Variants in NMT1 observed in about 807,000 individuals in gnomAD.
NMT1 encodes the protein glycylpeptide N-tetradecanoyltransferase 1.
Under a neutral mutation model 63.4 loss-of-function variants are expected in NMT1, and 12 were observed. The ratio of observed to expected loss-of-function variants is 0.19; its 90% confidence interval spans 0.12 to 0.31. NMT1 has a LOEUF of 0.31. NMT1 is among the 10% of genes least tolerant of loss of function. The pLI is 1.00. For missense variants in NMT1, 432 were observed against 634.6 expected (o/e 0.68, Z 3.43); for synonymous variants, 228 against 234.3 (o/e 0.97, Z 0.25).
chr17:45,069,082 T>C (rs1480988881), intron 1 of NMT1, among the ~76,000 whole-genome samples: 1 of 151,744 alleles, frequency 6.6e-6, no homozygotes, highest in Non-Finnish European at 1.5e-5. Context: ...TGCGTCAGCC[T>C]CCTAAGTAGC....
At chr17:45,099,334 G>A (rs2054146443) in intron 7 of NMT1, 71 bp from the exon 8 acceptor site, 1 of 1,059,398 alleles carries the variant, frequency 9.4e-7, no homozygotes, top group Admixed American at 1.7e-5. Flanking sequence ...GCCAGCTGGG[G>A]TCTCCCTGCC....
chr17:45,103,635 G>C lies in NMT1; in HGVS notation c.1165-74G>C. ...GCAGAGCTGCCTGAAGGTGGAGTGA[G>C]AGAAACATTTTGTTCCCGGGCCGCA... On this transcript the variant is annotated intron_variant, in intron 9 of 11. Transcript: ENST00000258960. The surrounding 1 kb of genome is among the most constrained non-coding windows in gnomAD (Gnocchi z 4.8). 6.9e-7 allele frequency: 1 copy of C among 1,457,198 alleles called. No homozygotes were observed. The highest frequency in any genetic ancestry group is 9.4e-7 in the Non-Finnish European group (1 of 1,067,844). 90.3% of individuals were successfully genotyped at this position (1,457,198 alleles called of 1,614,324 possible).
At chr17:45,085,909 C>A (rs554799511) in intron 2 of NMT1, among the ~76,000 whole-genome samples, 1 of 151,846 alleles carries the variant, frequency 6.6e-6, no homozygotes, top group South Asian at 2.1e-4. Context: ...GCAACATCTG[C>A]CTCCCAGGTT....
At chr17:45,077,723 C>G (rs887422630) in intron 1 of NMT1, among the ~76,000 whole-genome samples, 2 of 152,122 alleles carry the variant, frequency 1.3e-5, no homozygotes, top group Non-Finnish European at 2.9e-5. Context: ...TAATGCTTCA[C>G]GTAATCCTGA....
Position 45,104,053 on chromosome 17 carries a change from A to G in NMT1, c.1332+177A>G. The G allele has an allele frequency of 6.5e-7, 1 of 1,546,094 alleles. No individual in the cohort carries two copies. Among genetic ancestry groups the G allele is most frequent in the Non-Finnish European group, 8.7e-7 (1 of 1,152,822 alleles). On this transcript the variant is annotated intron_variant, in intron 10 of 11. Coordinates refer to ENST00000258960, the MANE Select transcript of NMT1 (RefSeq NM_021079.5). This position sits in a 1 kb window ranked among gnomAD's most constrained non-coding sequence, Gnocchi z 4.2. ...GGCAGAAACTCAAAACTTGGAGGGA[A>G]CAAGGAGCATCCGAAGTGAAGGCAT...
chr17:45,086,653 G>A lies in NMT1; in HGVS notation c.385+1G>A. The A allele has an allele frequency of 6.2e-7, 1 of 1,608,184 alleles. No individual in the cohort carries two copies. The highest frequency in any genetic ancestry group is 8.5e-7 in the Non-Finnish European group (1 of 1,177,368). On this transcript the variant is annotated splice_donor_variant, in intron 3 of 11. Coordinates refer to ENST00000258960, the MANE Select transcript of NMT1 (RefSeq NM_021079.5). LOFTEE classifies it high-confidence loss of function. ...GATACGCAGCCCGTCCCCAAGCTGG[G>A]TATGTACATGCTTGCTTTCTTTGCC...
At chr17:45,068,151 T>G (rs1480857853) in intron 1 of NMT1, among the ~76,000 whole-genome samples, 1 of 152,194 alleles carries the variant, frequency 6.6e-6, no homozygotes, top group Non-Finnish European at 1.5e-5. Flanking sequence ...TATGGTGTTC[T>G]CTATTGAGAG....
intron 2 of NMT1, among the ~76,000 whole-genome samples, chr17:45,085,132 A>G (rs959660778): frequency 4.6e-5 from 7 of 152,138 alleles, no homozygotes; most frequent in African/African-American, 1.7e-4. Context: ...ACACGCCTAT[A>G]GTTCCAGCTA....
chr17:45,070,653 A>G (rs930305430), intron 1 of NMT1, among the ~76,000 whole-genome samples: 1 of 142,604 alleles, frequency 7.0e-6, no homozygotes, highest in African/African-American at 2.8e-5. Context: ...TCCTGACCTC[A>G]TGATCCGCCC....
intron 7 of NMT1, 116 bp from the exon 8 acceptor site, chr17:45,099,289 G>A (rs531650952): frequency 1.9e-5 from 14 of 723,926 alleles, no homozygotes; most frequent in East Asian, 1.5e-4. Context: ...CACTGACTCC[G>A]GAGGCACCTG....
At chr17:45,095,817 A>T (rs138738504) in intron 4 of NMT1, among the ~76,000 whole-genome samples, 25 of 152,298 alleles carry the variant, frequency 1.6e-4, no homozygotes, top group African/African-American at 6.0e-4. Flanking sequence ...ATGGTAAAAA[A>T]TCAGACAAGG....
At position 45,103,642 on chromosome 17, in the gene NMT1, ATTTTGTTCCCGGGCCG is replaced by A. The variant is rs1159078637; in HGVS notation, c.1165-66_1165-51del. The A allele has an allele frequency of 2.0e-6, 3 of 1,503,540 alleles. No individual in the cohort carries two copies. Among genetic ancestry groups the A allele is most frequent in the Non-Finnish European group, 2.7e-6 (3 of 1,108,612 alleles). 93.1% of individuals were successfully genotyped at this position (1,503,540 alleles called of 1,614,324 possible). On this transcript the variant is annotated intron_variant, in intron 9 of 11. Coordinates refer to ENST00000258960, the MANE Select transcript of NMT1 (RefSeq NM_021079.5). The surrounding 1 kb of genome is among the most constrained non-coding windows in gnomAD (Gnocchi z 4.8). ...TGCCTGAAGGTGGAGTGAGAGAAAC[ATTTTGTTCCCGGGCCG>A]CAGTGCCACTGTGCATGCTTGACAT... is the stretch of plus-strand genomic sequence containing the variant.
In NMT1 at chr17:45,084,046, A is replaced by G. The variant is rs374767981; in HGVS notation, c.240+2294A>G. On this transcript the variant is annotated intron_variant, in intron 2 of 11. Coordinates refer to ENST00000258960, the MANE Select transcript of NMT1 (RefSeq NM_021079.5). ...GAAAAACAGAAAACTAAATAAAAAT[A>G]TTAGAAGAAAATGTATGTAGTTTTA... 1.9e-4 allele frequency among the ~76,000 whole-genome samples: 29 copies of G among 152,358 alleles called. No homozygotes were observed. The East Asian group carries it at 2.9e-3, about 15-fold the overall frequency.
chr17:45,085,535 A>G (rs2054046254), intron 2 of NMT1, among the ~76,000 whole-genome samples: 1 of 152,118 alleles, frequency 6.6e-6, no homozygotes, highest in Admixed American at 6.6e-5. Context: ...GCCTCTTCTC[A>G]CCTTCCCAAG....
Position 45,105,140 on chromosome 17 carries a change from C to T in NMT1, c.1470+144C>T. 1 of 1,058,392 alleles carries T rather than the reference C, an allele frequency of 9.4e-7. No individual in the cohort carries two copies. Among genetic ancestry groups the T allele is most frequent in the South Asian group, 1.5e-5 (1 of 65,388 alleles). 65.6% of individuals were successfully genotyped at this position (1,058,392 alleles called of 1,614,324 possible). A position where few individuals can be genotyped will look rare whatever the true frequency, so the allele number is the denominator to read the frequency against. ...AACCTTTGAAAATGCCCTCCCTCTGCTGGCCAGACCAGCAGGTCAGCGTTC... is the reference window on the plus strand; with the variant it reads ...AACCTTTGAAAATGCCCTCCCTCTGTTGGCCAGACCAGCAGGTCAGCGTTC... On this transcript the variant is annotated intron_variant, in intron 11 of 11. Transcript: ENST00000258960. The surrounding 1 kb of genome is among the most constrained non-coding windows in gnomAD (Gnocchi z 4.2).
At chr17:45,083,791 T>C (rs1244561345) in intron 2 of NMT1, 1 of 152,134 alleles carries the variant, frequency 6.6e-6, no homozygotes, top group Admixed American at 6.6e-5. Flanking sequence ...TTTTTTATTA[T>C]TTGTAGACAT....
intron 1 of NMT1, among the ~76,000 whole-genome samples, chr17:45,069,494 C>T (rs1037156274): frequency 2.0e-5 from 3 of 151,488 alleles, no homozygotes; most frequent in Admixed American, 2.0e-4. Context: ...GTTTCACCAT[C>T]TTGGCCAGGC....
chr17:45,085,671 A>G (rs569968196), intron 2 of NMT1, among the ~76,000 whole-genome samples: 116 of 152,306 alleles, frequency 7.6e-4, no homozygotes, highest in Admixed American at 2.0e-3. Context: ...TTGCCATCAA[A>G]CAACATAAGA....
intron 8 of NMT1, among the ~76,000 whole-genome samples, chr17:45,101,752 A>G (rs1754988351): frequency 6.6e-6 from 1 of 151,924 alleles, no homozygotes; most frequent in East Asian, 1.9e-4. Context: ...TGGACTCCTC[A>G]GCCTCTAAAC....
Sources: allele counts gnomAD v4.1 joint callset (sites outside exome capture counted in the v4.1 genomes callset), GRCh38; gene constraint gnomAD v4.1.1; non-coding constraint Gnocchi (gnomAD v3.1); transcripts MANE v1.5; gene names NCBI Gene and HGNC (gene_info 2026-07-23, HGNC 2026-07-21).